CCDC102B: variants seen among roughly 807,000 people sequenced by gnomAD.
The protein encoded by CCDC102B is coiled-coil domain-containing protein 102B.
In CCDC102B, 75 loss-of-function variants were observed where a neutral mutation model predicts 57.4. The observed-to-expected ratio is 1.31, with a 90% CI of 1.08 to 1.58. CCDC102B has a LOEUF of 1.58. CCDC102B is among the 40% of genes most tolerant of loss of function. The pLI, the probability that CCDC102B is intolerant of heterozygous loss-of-function variation, is 0.00. For synonymous variants in CCDC102B, 206 were observed against 201.9 expected (o/e 1.02, Z -0.17); for missense variants, 636 against 582.6 (o/e 1.09, Z -0.94).
At chr18:68,829,710 T>A (rs1204211519) in intron 1 of CCDC102B, among the ~76,000 whole-genome samples, 1 of 151,982 alleles carries the variant, frequency 6.6e-6, no homozygotes, top group Non-Finnish European at 1.5e-5. Flanking sequence ...CCTGTGAAGA[T>A]CTTGTGACAT....
In CCDC102B at chr18:68,999,225, G is replaced by A. The variant is rs577313854; in HGVS notation, c.1264-11709G>A. The stretch of plus-strand genomic sequence containing the variant: ...GAAACTGCAGAAAGCTATTGTAGAA[G>A]GTTTTGCTTTGAGGGGAAAAAGAGA... On this transcript the variant is annotated intron_variant, in intron 6 of 7. Transcript: ENST00000360242. Among the ~76,000 whole-genome samples, 5 of 151,970 alleles carry A rather than the reference G, an allele frequency of 3.3e-5. No individual in the cohort carries two copies. In the East Asian group the frequency reaches 5.8e-4, roughly 18 times the overall value.
At chr18:68,858,779 T>C (rs1287785947) in intron 4 of CCDC102B, among the ~76,000 whole-genome samples, 4 of 152,168 alleles carry the variant, frequency 2.6e-5, no homozygotes, top group Non-Finnish European at 5.9e-5. Flanking sequence ...CTATCTTTTG[T>C]AATACATACA....
chr18:69,011,515 G>C (rs1391798523), intron 7 of CCDC102B, among the ~76,000 whole-genome samples: 1 of 151,582 alleles, frequency 6.6e-6, no homozygotes, highest in Admixed American at 6.6e-5. Context: ...GTGTTCAAAT[G>C]AATCTAGGTA....
chr18:69,005,785 A>T (rs2051324411), intron 6 of CCDC102B, among the ~76,000 whole-genome samples: 1 of 151,496 alleles, frequency 6.6e-6, no homozygotes, highest in South Asian at 2.1e-4. Flanking sequence ...AGAAACTAAT[A>T]CTGTATTACT....
chr18:68,967,264 C>T (rs773758062), intron 6 of CCDC102B, among the ~76,000 whole-genome samples: 11 of 152,128 alleles, frequency 7.2e-5, no homozygotes, highest in Non-Finnish European at 1.6e-4. Context: ...AAATCAAACA[C>T]TGCCATCTTA....
chr18:68,749,218 C>G (rs1284783236), intron 2 of CCDC102B, among the ~76,000 whole-genome samples: 3 of 152,110 alleles, frequency 2.0e-5, no homozygotes, highest in Non-Finnish European at 4.4e-5. Context: ...GTGATGCCTC[C>G]AGCTTTGTTC....
chr18:68,818,365 G>T (rs934932615), intron 1 of CCDC102B, among the ~76,000 whole-genome samples: 1 of 152,148 alleles, frequency 6.6e-6, no homozygotes, highest in Non-Finnish European at 1.5e-5. Context: ...TTAGCAATTG[G>T]CTGCTTTCTG....
intron 4 of CCDC102B, chr18:68,866,744 T>C: frequency 1.6e-6 from 1 of 609,502 alleles, no homozygotes; most frequent in Non-Finnish European, 3.2e-6. Context: ...GGGTCTGGTA[T>C]TGCTTTGAGT....
chr18:68,940,114 C>T (rs2145165302), intron 6 of CCDC102B, among the ~76,000 whole-genome samples: 1 of 151,592 alleles, frequency 6.6e-6, no homozygotes, highest in Middle Eastern at 3.4e-3. Context: ...GAAGAAATAT[C>T]TGATGTCACT....
intron 2 of CCDC102B, among the ~76,000 whole-genome samples, chr18:68,730,458 G>A (rs1415574999): frequency 2.6e-5 from 4 of 151,996 alleles, no homozygotes; most frequent in African/African-American, 4.8e-5. Context: ...CCAGGACTCC[G>A]AAGAAATATT....
At chr18:68,873,119 G>C (rs945961739) in intron 4 of CCDC102B, among the ~76,000 whole-genome samples, 10 of 152,118 alleles carry the variant, frequency 6.6e-5, no homozygotes, top group African/African-American at 2.4e-4. Flanking sequence ...GCTAGCCTCT[G>C]TTTTATACTC....
At chr18:68,782,619 C>T (rs1356828705) in intron 2 of CCDC102B, among the ~76,000 whole-genome samples, 1 of 152,168 alleles carries the variant, frequency 6.6e-6, no homozygotes, top group Non-Finnish European at 1.5e-5. Flanking sequence ...TACCCTCCTA[C>T]AGTTCAGAGA....
At chr18:68,797,892 A>G (rs976337324), upstream of CCDC102B, among the ~76,000 whole-genome samples, 1 of 151,908 alleles carries the variant, frequency 6.6e-6, no homozygotes, top group Non-Finnish European at 1.5e-5. Context: ...TACAGGTTTC[A>G]AATGGTTGTA....
At chr18:68,898,993 A>G (rs941078476) in intron 6 of CCDC102B, among the ~76,000 whole-genome samples, 6 of 152,028 alleles carry the variant, frequency 3.9e-5, no homozygotes, top group Admixed American at 2.0e-4. Flanking sequence ...CAATGTAGTT[A>G]TTTGGGCTGG....
chr18:68,972,562 C>T (rs551587355), intron 6 of CCDC102B, among the ~76,000 whole-genome samples: 3 of 152,260 alleles, frequency 2.0e-5, no homozygotes, highest in Admixed American at 6.5e-5. Flanking sequence ...TTATCTAATA[C>T]ATCTCATAAA....
intron 6 of CCDC102B, among the ~76,000 whole-genome samples, chr18:68,954,819 A>G (rs1241332397): frequency 2.0e-5 from 3 of 152,216 alleles, no homozygotes; most frequent in Admixed American, 1.3e-4. Flanking sequence ...CTCTAATTGC[A>G]TTGCCTCATC....
chr18:68,771,588 G>A (rs1048514051), intron 2 of CCDC102B, among the ~76,000 whole-genome samples: 1 of 152,152 alleles, frequency 6.6e-6, no homozygotes, highest in Non-Finnish European at 1.5e-5. Context: ...AAGGAGGTTT[G>A]GAGAAATCTT....
intron 7 of CCDC102B, among the ~76,000 whole-genome samples, chr18:69,051,517 C>T (rs1205818722): frequency 4.0e-5 from 6 of 151,832 alleles, no homozygotes; most frequent in Non-Finnish European, 8.8e-5. Context: ...TATAGTTCTT[C>T]ATGAAATTTG....
intron 6 of CCDC102B, among the ~76,000 whole-genome samples, chr18:68,910,631 G>A (rs12962796): frequency 6.6e-6 from 1 of 152,066 alleles, no homozygotes; most frequent in Admixed American, 6.5e-5. Flanking sequence ...AAAGTAAGTT[G>A]CCTTTTACCT....
Sources: allele counts gnomAD v4.1 joint callset (sites outside exome capture counted in the v4.1 genomes callset), GRCh38; gene constraint gnomAD v4.1.1; transcripts MANE v1.5; gene names NCBI Gene and HGNC (gene_info 2026-07-23, HGNC 2026-07-21).